The following POU2AF2 variants were observed in gnomAD, a reference collection of about 807,000 sequenced individuals.
POU2AF2 encodes POU domain class 2-associating factor 2.
At chr11:111,277,363 C>T in the POU2AF2 span, among the ~76,000 whole-genome samples, 10 of 152,232 alleles carry the variant, frequency 6.6e-5, no homozygotes, top group East Asian at 1.3e-3. Flanking sequence ...GGGGAGGAGT[C>T]GGTACTGTCA....
chr11:111,259,989 T>C, the POU2AF2 span, among the ~76,000 whole-genome samples: 1 of 152,256 alleles, frequency 6.6e-6, no homozygotes, highest in Non-Finnish European at 1.5e-5. Flanking sequence ...TTTCATCCTC[T>C]TAACCACTAC....
the POU2AF2 span, among the ~76,000 whole-genome samples, chr11:111,271,878 A>G: frequency 6.6e-6 from 1 of 151,888 alleles, no homozygotes; most frequent in African/African-American, 2.4e-5. Context: ...TTAGCCGGGC[A>G]TGGTGAAGGG....
the POU2AF2 span, among the ~76,000 whole-genome samples, chr11:111,254,047 T>C: frequency 6.6e-6 from 1 of 152,236 alleles, no homozygotes; most frequent in Admixed American, 6.5e-5. Flanking sequence ...TATTTTATTT[T>C]AAAGTATTTC....
the POU2AF2 span, among the ~76,000 whole-genome samples, chr11:111,272,230 A>C: frequency 9.2e-5 from 14 of 152,100 alleles, no homozygotes; most frequent in Non-Finnish European, 1.9e-4. Context: ...CTATGTTTTG[A>C]TGTGCTAAAT....
chr11:111,276,451 A>ATATATAT, the POU2AF2 span, among the ~76,000 whole-genome samples: 37 of 41,930 alleles, frequency 8.8e-4, no homozygotes, highest in African/African-American at 1.3e-3. Context: ...AAAAAAAAAA[A>ATATATAT]AAATATATAT....
the POU2AF2 span, chr11:111,284,392 A>ACCTCGTGT: frequency 6.3e-7 from 1 of 1,576,422 alleles, no homozygotes; most frequent in Non-Finnish European, 8.6e-7. Context: ...GTATGCAGAG[A>ACCTCGTGT]CCTCGTGTGA....
the POU2AF2 span, among the ~76,000 whole-genome samples, chr11:111,267,843 A>G: frequency 6.6e-6 from 1 of 152,214 alleles, no homozygotes; most frequent in East Asian, 1.9e-4. Context: ...ACTTTCCTTA[A>G]GGCTTTACCT....
the POU2AF2 span, chr11:111,281,423 CA>C: frequency 6.2e-7 from 1 of 1,613,680 alleles, no homozygotes; most frequent in Non-Finnish European, 8.5e-7. Flanking sequence ...TCTCAGTCTC[CA>C]TTTGTGCAGA....
chr11:111,286,141 G>A, the POU2AF2 span: 1 of 1,477,382 alleles, frequency 6.8e-7, no homozygotes, highest in East Asian at 2.4e-5. Flanking sequence ...ATTCAGGACT[G>A]GATTTTCAGA....
chr11:111,283,724 G>C, the POU2AF2 span, among the ~76,000 whole-genome samples: 1 of 152,126 alleles, frequency 6.6e-6, no homozygotes, highest in African/African-American at 2.4e-5. Context: ...CCGATGTTGT[G>C]AAAAAGATGC....
the POU2AF2 span, among the ~76,000 whole-genome samples, chr11:111,249,509 T>A: frequency 6.6e-6 from 1 of 152,178 alleles, no homozygotes; most frequent in African/African-American, 2.4e-5. Flanking sequence ...AGCTTGGTTA[T>A]CCCATTAGTC....
At chr11:111,271,428 T>C in the POU2AF2 span, among the ~76,000 whole-genome samples, 4 of 152,234 alleles carry the variant, frequency 2.6e-5, no homozygotes, top group South Asian at 6.2e-4. Flanking sequence ...TTTTTTCTTT[T>C]CTTTTTTTTC....
the POU2AF2 span, among the ~76,000 whole-genome samples, chr11:111,268,924 C>T: frequency 6.6e-6 from 1 of 151,874 alleles, no homozygotes; most frequent in African/African-American, 2.4e-5. Context: ...TTTTAGAAAT[C>T]CCTGTTGTTC....
At chr11:111,284,220 GCC>G in the POU2AF2 span, 5 of 1,614,064 alleles carry the variant, frequency 3.1e-6, no homozygotes, top group African/African-American at 6.7e-5. Flanking sequence ...GCAGGGCAGA[GCC>G]ATGCGGCTCT....
At chr11:111,285,886 T>C in the POU2AF2 span, 22 of 1,612,416 alleles carry the variant, frequency 1.4e-5, no homozygotes, top group East Asian at 2.0e-4. Flanking sequence ...CCCCGCCTCC[T>C]TACCCCTTCA....
the POU2AF2 span, among the ~76,000 whole-genome samples, chr11:111,262,112 T>C: frequency 6.6e-6 from 1 of 152,228 alleles, no homozygotes; most frequent in African/African-American, 2.4e-5. Flanking sequence ...CTAAAATCTC[T>C]ACATCAAGGG....
the POU2AF2 span, among the ~76,000 whole-genome samples, chr11:111,249,552 C>A: frequency 6.6e-6 from 1 of 152,082 alleles, no homozygotes; most frequent in African/African-American, 2.4e-5. Context: ...CCCATGAAAC[C>A]CCAGAGAAAG....
the POU2AF2 span, among the ~76,000 whole-genome samples, chr11:111,276,447 AAAAAAAATATATATAT>A: frequency 3.3e-5 from 1 of 30,260 alleles, no homozygotes; most frequent in Non-Finnish European, 7.7e-5. Flanking sequence ...AAGAAAAAAA[AAAAAAAATATATATAT>A]ATATATATAT....
the POU2AF2 span, among the ~76,000 whole-genome samples, chr11:111,275,358 A>G: frequency 2.6e-5 from 4 of 152,216 alleles, no homozygotes; most frequent in Non-Finnish European, 4.4e-5. Flanking sequence ...GGGTTTGAGC[A>G]GAAAGCAAAG....
Sources: allele counts gnomAD v4.1 joint callset (sites outside exome capture counted in the v4.1 genomes callset), GRCh38; gene constraint gnomAD v4.1.1; transcripts MANE v1.5; gene names NCBI Gene and HGNC (gene_info 2026-07-23, HGNC 2026-07-21).